The following ANK1 variants were observed in gnomAD, a reference collection of about 807,000 sequenced individuals.
ANK1 encodes the protein ankyrin 1, also known as ankyrin-1.
Under a neutral mutation model 210.4 loss-of-function variants are expected in ANK1, and 51 were observed. The ratio of observed to expected loss-of-function variants is 0.24; its 90% CI spans 0.19 to 0.31. The LOEUF (loss-of-function observed/expected upper bound fraction) is 0.31. Ranked by LOEUF, ANK1 falls within the 10% of genes least tolerant of loss-of-function variation. The probability of loss-of-function intolerance (pLI) is 1.00; values close to 1 mark genes in which losing one functional copy is unlikely to be tolerated. For missense variants in ANK1, 2,051 were observed against 2,504.4 expected (o/e 0.82, Z 3.86); for synonymous variants, 967 against 1,025.9 (o/e 0.94, Z 1.10).
At chr8:41,657,932 C>G (rs1203769680) in intron 42 of ANK1, among the ~76,000 whole-genome samples, 1 of 152,124 alleles carries the variant, frequency 6.6e-6, no homozygotes, top group Non-Finnish European at 1.5e-5. Context: ...CCCAGGCTAG[C>G]GTGCAGTGGT....
At position 41,719,820 on chromosome 8, in the gene ANK1, G is replaced by T. The variant is rs1423883696; in HGVS notation, c.948C>A (p.Asp316Glu). Reference protein sequence around the residue: ...LSPIHMAAQGDHLDCVRLLLQ... With the variant: ...LSPIHMAAQGEHLDCVRLLLQ... ...ACAGGAGCCGGACACAGTCGAGGTGGTCTCCCTGAGCCGCCATGTGAATTG... is the reference window on the plus strand; with the variant it reads ...ACAGGAGCCGGACACAGTCGAGGTGTTCTCCCTGAGCCGCCATGTGAATTG... Residue 316 changes from aspartate to glutamate, a missense_variant, in exon 10 of 43, where the codon GAC (aspartate) becomes GAA (glutamate). By Grantham distance (45) the Asp-to-Glu change is conservative (BLOSUM62 2). Around this residue, in one of 6 missense-constraint regions of ANK1, gnomAD observed 1,413 missense variants for 1,707.4 expected, o/e 0.83. Coordinates refer to ENST00000289734, the MANE Select transcript of ANK1 (RefSeq NM_000037.4). 1 of 1,614,142 alleles carries T rather than the reference G, an allele frequency of 6.2e-7. No individual in the cohort carries two copies. The highest frequency in any genetic ancestry group is 8.5e-7 in the Non-Finnish European group (1 of 1,180,056).
chr8:41,867,710 C>T (rs1269517096), intron 1 of ANK1, among the ~76,000 whole-genome samples: 2 of 152,190 alleles, frequency 1.3e-5, no homozygotes, highest in East Asian at 3.8e-4. Context: ...TGGGTTTCTT[C>T]CCCATCACCC....
chr8:41,874,149 G>T (rs925490569), intron 1 of ANK1, among the ~76,000 whole-genome samples: 1 of 152,218 alleles, frequency 6.6e-6, no homozygotes, highest in East Asian at 1.9e-4. Context: ...TGGATGTCCC[G>T]CAGGTAGGTA....
At position 41,661,495 on chromosome 8, in the gene ANK1, G is replaced by T; in HGVS notation, c.5614C>A (p.Arg1872=). The part of the protein sequence containing the change: ...EGRKGAQIVK[R]ASLKRGKQ ...TGTTTCCCCCTTTTCAGGCTGGCCC[G>T]CTTCACTATCTGCGCCCCCTTCCTG... is the stretch of plus-strand genomic sequence containing the variant. Residue 1872 remains arginine (R), a synonymous_variant, in exon 42 of 43, where the codon CGG becomes AGG. Coordinates refer to ENST00000289734, the MANE Select transcript of ANK1 (RefSeq NM_000037.4). 6.2e-7 allele frequency: 1 copy of T among 1,613,964 alleles called. No homozygotes were observed. The highest frequency in any genetic ancestry group is 1.1e-5 in the South Asian group (1 of 91,064).
intron 1 of ANK1, among the ~76,000 whole-genome samples, chr8:41,806,171 T>G (rs1418079572): frequency 6.6e-6 from 1 of 152,204 alleles, no homozygotes; most frequent in Non-Finnish European, 1.5e-5. Context: ...ACTGGAAGTT[T>G]AGGCACTCAA....
intron 17 of ANK1, among the ~76,000 whole-genome samples, chr8:41,707,393 T>A (rs1424853022): frequency 1.3e-5 from 2 of 152,226 alleles, no homozygotes; most frequent in African/African-American, 4.8e-5. Context: ...TCTACAGGAC[T>A]CCACTTGCCC....
chr8:41,665,164 C>T, intron 39 of ANK1: 3 of 1,535,076 alleles, frequency 2.0e-6, no homozygotes, highest in Non-Finnish European at 2.6e-6. Context: ...GGTTTGCTCT[C>T]TTGGTCTCTC....
intron 34 of ANK1, 117 bp from the exon 35 acceptor site, chr8:41,688,347 CTCTGCAAGATCAG>C: frequency 7.0e-7 from 1 of 1,438,582 alleles, no homozygotes; most frequent in Non-Finnish European, 9.8e-7. Context: ...TGTCTAGACT[CTCTGCAAGATCAG>C]GGGAAGACCC....
rs145562489 is a variant in ANK1 at position 41,690,309 on chromosome 8, G to A, written c.4022C>T (p.Ser1341Leu). 1,170 of 1,614,260 alleles carry A rather than the reference G, an allele frequency of 7.2e-4. 3 individuals carry two copies. The highest frequency in any genetic ancestry group is 2.0e-3 in the Middle Eastern group (12 of 6,062). The change falls in exon 33 of 43, where the codon TCG (serine) becomes TTG (leucine). Residue 1341 changes from serine (S) to leucine (L), a missense_variant. By Grantham distance (145) the Ser-to-Leu change is moderately radical. This residue lies in a region of ANK1 where 1,413 missense variants were observed against 1,707.4 expected (regional missense o/e 0.83). Coordinates refer to ENST00000289734, the MANE Select transcript of ANK1 (RefSeq NM_000037.4). Reference sequence around the variant, plus strand: ...GTACTTCATCGCCTTGCGCAGAAACGACAGGGACCCTCCCGGCTCTCGACT... The same window carrying A: ...GTACTTCATCGCCTTGCGCAGAAACAACAGGGACCCTCCCGGCTCTCGACT... ...DSSREPGGSLSFLRKAMKYED... is the reference protein window; with the variant it reads ...DSSREPGGSLLFLRKAMKYED...
At chr8:41,761,322 C>G in intron 1 of ANK1, among the ~76,000 whole-genome samples, 1 of 151,748 alleles carries the variant, frequency 6.6e-6, no homozygotes, top group South Asian at 2.1e-4. Flanking sequence ...CACACATGCA[C>G]AGATACACAC....
At chr8:41,873,755 C>T (rs1816015884) in intron 1 of ANK1, among the ~76,000 whole-genome samples, 1 of 152,224 alleles carries the variant, frequency 6.6e-6, no homozygotes, top group Middle Eastern at 3.2e-3. Flanking sequence ...GCCGGCTTCA[C>T]AGCACTGGAC....
intron 37 of ANK1, among the ~76,000 whole-genome samples, chr8:41,674,539 G>C (rs999487091): frequency 6.6e-6 from 1 of 152,222 alleles, no homozygotes; most frequent in African/African-American, 2.4e-5. Context: ...CTAGCCCCAT[G>C]ACCACTGAAG....
rs541408354 is a variant in ANK1, at chr8:41,693,018, T to C, written c.3629+87A>G. On this transcript the variant is annotated intron_variant, in intron 30 of 42. Transcript: ENST00000289734. ...GGAGGCTTCCACATGGAGGGGACAG[T>C]GAGGGAGCCTCAGCCTCAGGCCTGG... 8.7e-4 allele frequency: 1,325 copies of C among 1,518,804 alleles called. 3 individuals are homozygous for C. The highest frequency in any genetic ancestry group is 1.1e-3 in the Non-Finnish European group (1,193 of 1,094,220). The allele number at this position is 1,518,804 out of a possible 1,614,324, so 94.1% of individuals were successfully genotyped here. A position where few individuals can be genotyped will look rare whatever the true frequency, so the allele number is the denominator to read the frequency against.
chr8:41,757,091 A>T (rs1839343169), intron 2 of ANK1, among the ~76,000 whole-genome samples: 1 of 152,204 alleles, frequency 6.6e-6, no homozygotes, highest in African/African-American at 2.4e-5. Context: ...GTTTTGCAAC[A>T]TGAAAAGAGT....
At chr8:41,884,790 C>T (rs1482286889) in intron 1 of ANK1, among the ~76,000 whole-genome samples, 2 of 152,066 alleles carry the variant, frequency 1.3e-5, no homozygotes, top group African/African-American at 4.8e-5. Flanking sequence ...TGTGATTATG[C>T]CACTGCACTC....
chr8:41,778,412 T>A (rs1366809459), intron 1 of ANK1, among the ~76,000 whole-genome samples: 1 of 152,176 alleles, frequency 6.6e-6, no homozygotes, highest in Non-Finnish European at 1.5e-5. Context: ...GATGGAGCAG[T>A]GAGAATTGAA....
intron 1 of ANK1, among the ~76,000 whole-genome samples, chr8:41,894,396 A>C (rs1017023252): frequency 1.3e-5 from 2 of 152,198 alleles, no homozygotes; most frequent in Admixed American, 6.5e-5. Context: ...CAAAAGAAAA[A>C]AAAAGAAATG....
intron 38 of ANK1, among the ~76,000 whole-genome samples, chr8:41,669,962 G>A (rs1811766185): frequency 1.3e-5 from 2 of 152,020 alleles, no homozygotes; most frequent in Admixed American, 6.6e-5. Flanking sequence ...TCCCTGAGAT[G>A]TCCTCACCCT....
At position 41,875,769 on chromosome 8, in the gene ANK1, C is replaced by A. The variant is rs188931284; in HGVS notation, c.126+20586G>T. Among the ~76,000 whole-genome samples, 29 of 152,290 alleles carry A rather than the reference C, an allele frequency of 1.9e-4. No homozygotes were observed. The East Asian group carries it at 4.3e-3, about 22-fold the overall frequency. On this transcript the variant is annotated intron_variant, in intron 1 of 42. Coordinates refer to the ANK1 transcript ENST00000265709. ...CCACTTAACACCACTGCACTGTGGG[C>A]GCCATTTTTCCCCGGACAGCCACAT... is the stretch of plus-strand genomic sequence containing the variant.
Sources: gnomAD v4.1 joint callset for allele counts (sites outside exome capture counted in the v4.1 genomes callset) on GRCh38, gnomAD v4.1.1 for gene constraint, gnomAD v4.1.1 regional missense constraint, MANE v1.5 for transcripts, NCBI Gene and HGNC (gene_info 2026-07-23, HGNC 2026-07-21) for gene names.